HAS2: variants seen among roughly 807,000 people sequenced by gnomAD.
HAS2 encodes the protein hyaluronan synthase 2, also known as HA synthase 2.
In HAS2, 16 loss-of-function variants were observed where a neutral mutation model predicts 51.6. The observed-to-expected ratio is 0.31, with a 90% CI of 0.21 to 0.47. The LOEUF (loss-of-function observed/expected upper bound fraction) is 0.47, where lower values mean the gene tolerates loss of function less well. Ranked by LOEUF, HAS2 falls within the 20% of genes least tolerant of loss-of-function variation. The pLI is 1.00. For missense variants in HAS2, 361 were observed against 662.6 expected (o/e 0.54, Z 5.00); for synonymous variants, 228 against 235.5 (o/e 0.97, Z 0.29).
At position 121,641,182 on chromosome 8, in the gene HAS2, G is replaced by GTTTT. The variant is rs1240320617; in HGVS notation, c.-331_-330insAAAA. The stretch of plus-strand genomic sequence containing the variant: ...TCTTTTTTTTTTTTTTTTTTTTTTG[G>GTTTT]GCTTCAGTCTTTCTGCCCCCGATAA... On this transcript the variant is annotated 5_prime_UTR_variant, in exon 1 of 4. Transcript: ENST00000303924. 4 of 48,848 alleles carry GTTTT rather than the reference G, an allele frequency of 8.2e-5. No homozygotes were observed. Among genetic ancestry groups the GTTTT allele is most frequent in the Non-Finnish European group, 1.4e-4 (4 of 28,520 alleles). The allele number at this position is 48,848 out of a possible 1,614,324, so 3.0% of individuals were successfully genotyped here. A position where few individuals can be genotyped will look rare whatever the true frequency, so the allele number is the denominator to read the frequency against.
intron 1 of HAS2, among the ~76,000 whole-genome samples, chr8:121,632,475 T>A (rs1812947440): frequency 6.6e-6 from 1 of 152,190 alleles, no homozygotes; most frequent in South Asian, 2.1e-4. Flanking sequence ...AATTAAAATT[T>A]TAATTTTTCC....
At chr8:121,639,815 C>A (rs1049715890) in intron 1 of HAS2, 4 of 152,344 alleles carry the variant, frequency 2.6e-5, no homozygotes, top group African/African-American at 9.6e-5. Context: ...CGAATTCCCC[C>A]CAAGGTGTTG....
rs200562324 is a variant in HAS2 at position 121,628,733 on chromosome 8, C to T, written c.608G>A (p.Arg203Gln). 2.6e-4 allele frequency: 419 copies of T among 1,613,658 alleles called. 3 individuals carry two copies. Among genetic ancestry groups the T allele is most frequent in the East Asian group, 1.6e-4 (7 of 44,894 alleles). ...ACCTACCTGTACATAATCCACACTT[C>T]GTCCCAGTGCTCTGAAGGCTGTGTA... Reference protein sequence around the residue: ...VMYTAFRALGRSVDYVQVCDS... With the variant: ...VMYTAFRALGQSVDYVQVCDS... The change falls in exon 2 of 4, where the codon CGA becomes CAA. Residue 203 changes from arginine to glutamine, a missense_variant. By Grantham distance (43) the Arg-to-Gln change is conservative (BLOSUM62 1). Transcript: ENST00000303924.
At chr8:121,623,451 G>A (rs140846342) in intron 2 of HAS2, among the ~76,000 whole-genome samples, 2 of 152,248 alleles carry the variant, frequency 1.3e-5, no homozygotes, top group East Asian at 3.9e-4. Context: ...GCTCATAATG[G>A]TGCCCTTAAA....
At chr8:121,617,840 A>ATGACATTGTATCAG (rs2130433949) in intron 2 of HAS2, among the ~76,000 whole-genome samples, 1 of 152,264 alleles carries the variant, frequency 6.6e-6, no homozygotes, top group South Asian at 2.1e-4. Context: ...GGCTTAGCAA[A>ATGACATTGTATCAG]TGACATTGTA....
At chr8:121,623,691 T>C (rs1812805687) in intron 2 of HAS2, among the ~76,000 whole-genome samples, 1 of 152,230 alleles carries the variant, frequency 6.6e-6, no homozygotes, top group South Asian at 2.1e-4. Flanking sequence ...TCTGGTCTAC[T>C]ACCTCAGTTG....
In HAS2 at chr8:121,618,089, A is replaced by T. The variant is rs548629007; in HGVS notation, c.628-883T>A. Among the ~76,000 whole-genome samples the T allele has an allele frequency of 6.6e-5, 10 of 152,156 alleles. 1 individual carries two copies. In the South Asian group the frequency reaches 2.1e-3, roughly 32 times the overall value. On this transcript the variant is annotated intron_variant, in intron 2 of 3. Coordinates refer to ENST00000303924, the MANE Select transcript of HAS2 (RefSeq NM_005328.3). ...TAGTTTATAACTGTGTATTCCTAAT[A>T]GATATTTCTATTGGAGTCTCAAGGG...
chr8:121,624,470 C>T (rs936154745), intron 2 of HAS2, among the ~76,000 whole-genome samples: 1 of 152,174 alleles, frequency 6.6e-6, no homozygotes, highest in Non-Finnish European at 1.5e-5. Context: ...TTTAGGGTTA[C>T]AAGTACGTTT....
At chr8:121,618,636 A>G (rs1322633220) in intron 2 of HAS2, among the ~76,000 whole-genome samples, 1 of 152,194 alleles carries the variant, frequency 6.6e-6, no homozygotes, top group East Asian at 1.9e-4. Context: ...AATTGGACAT[A>G]TTATTTTCTG....
At chr8:121,629,834 C>T (rs1191395351) in intron 1 of HAS2, among the ~76,000 whole-genome samples, 2 of 152,132 alleles carry the variant, frequency 1.3e-5, no homozygotes, top group African/African-American at 4.8e-5. Flanking sequence ...AATGTGTATT[C>T]TTCAACTTAC....
chr8:121,635,895 A>G (rs1396808511), intron 1 of HAS2, among the ~76,000 whole-genome samples: 1 of 152,242 alleles, frequency 6.6e-6, no homozygotes, highest in Non-Finnish European at 1.5e-5. Flanking sequence ...AATTGGGAAT[A>G]TTTATCTAGG....
At chr8:121,622,169 C>G (rs549315204) in intron 2 of HAS2, among the ~76,000 whole-genome samples, 16 of 152,212 alleles carry the variant, frequency 1.1e-4, no homozygotes, top group Non-Finnish European at 1.5e-4. Flanking sequence ...ATCACCCCCC[C>G]ATCCCAATTT....
At chr8:121,622,580 A>G (rs1812787469) in intron 2 of HAS2, among the ~76,000 whole-genome samples, 1 of 152,092 alleles carries the variant, frequency 6.6e-6, no homozygotes, top group Non-Finnish European at 1.5e-5. Flanking sequence ...TATACTAAAA[A>G]GTGGGCCACA....
At position 121,613,879 on chromosome 8, in the gene HAS2, A is replaced by G. The variant is rs1812667902; in HGVS notation, c.*230T>C. 1.6e-6 allele frequency: 1 copy of G among 632,302 alleles called. No homozygotes were observed. Among genetic ancestry groups the G allele is most frequent in the South Asian group, 2.0e-5 (1 of 50,552 alleles). The allele number at this position is 632,302 out of a possible 1,614,324, so 39.2% of individuals were successfully genotyped here. ...CACAGTAAGGAAAAAGTGCATAAACAAAGAATTCATCCCATTTTCATAGAA... is the reference window on the plus strand; with the variant it reads ...CACAGTAAGGAAAAAGTGCATAAACGAAGAATTCATCCCATTTTCATAGAA... On this transcript the variant is annotated 3_prime_UTR_variant, in exon 4 of 4. Coordinates refer to ENST00000303924, the MANE Select transcript of HAS2 (RefSeq NM_005328.3).
intron 2 of HAS2, among the ~76,000 whole-genome samples, chr8:121,624,315 A>G (rs552084920): frequency 6.6e-6 from 1 of 152,196 alleles, no homozygotes; most frequent in Non-Finnish European, 1.5e-5. Flanking sequence ...TGAAGAGGAT[A>G]ATTGTTTACA....
intron 2 of HAS2, among the ~76,000 whole-genome samples, chr8:121,622,313 CA>C (rs890084996): frequency 8.6e-5 from 13 of 151,902 alleles, no homozygotes; most frequent in African/African-American, 3.1e-4. Context: ...AACAAACAAA[CA>C]AAAAAAGTAC....
At chr8:121,616,031 T>G (rs1054724433) in intron 3 of HAS2, among the ~76,000 whole-genome samples, 7 of 152,194 alleles carry the variant, frequency 4.6e-5, no homozygotes, top group Non-Finnish European at 1.0e-4. Context: ...ATATATAAAA[T>G]GGGTTATATA....
At chr8:121,618,963 T>TA (rs548278264) in intron 2 of HAS2, among the ~76,000 whole-genome samples, 58 of 145,136 alleles carry the variant, frequency 4.0e-4, no homozygotes, top group African/African-American at 6.3e-4. Flanking sequence ...GTTTTGAATT[T>TA]AAAAAAAAAA....
At chr8:121,617,738 A>G (rs982515561) in intron 2 of HAS2, among the ~76,000 whole-genome samples, 1 of 152,186 alleles carries the variant, frequency 6.6e-6, no homozygotes, top group Non-Finnish European at 1.5e-5. Flanking sequence ...CAAATAAATG[A>G]CAGGAGAGCA....
Sources: gnomAD v4.1 joint callset for allele counts (sites outside exome capture counted in the v4.1 genomes callset) on GRCh38, gnomAD v4.1.1 for gene constraint, MANE v1.5 for transcripts, NCBI Gene and HGNC (gene_info 2026-07-23, HGNC 2026-07-21) for gene names.